Variants in PCDH15 observed in about 807,000 individuals in gnomAD.
PCDH15 encodes the protein protocadherin-15.
A neutral mutation model predicts 178.5 loss-of-function variants in PCDH15; 129 were observed. The observed-to-expected ratio is 0.72, with a 90% CI of 0.63 to 0.84. PCDH15 has a LOEUF of 0.84. PCDH15 is among the 40% of genes least tolerant of loss of function. PCDH15 has a pLI of 0.00. For synonymous variants in PCDH15, 800 were observed against 732.0 expected, an observed-to-expected ratio of 1.09 and a Z score of -1.50; for missense variants, 2,230 against 2,099.9, an observed-to-expected ratio of 1.06 and a Z score of -1.21.
intron 25 of PCDH15, among the ~76,000 whole-genome samples, chr10:53,929,865 T>G (rs2084892668): frequency 6.6e-6 from 1 of 152,226 alleles, no homozygotes; most frequent in Non-Finnish European, 1.5e-5. Flanking sequence ...TTAAAGATAA[T>G]TATAATTTTA....
intron 1 of PCDH15, among the ~76,000 whole-genome samples, chr10:55,216,227 A>G (rs1840698073): frequency 6.6e-6 from 1 of 151,974 alleles, no homozygotes; most frequent in African/African-American, 2.4e-5. Flanking sequence ...CTTCTGATAT[A>G]TGTTGAAAGT....
chr10:55,521,496 A>G (rs1841174920), intron 2 of PCDH15, among the ~76,000 whole-genome samples: 1 of 151,936 alleles, frequency 6.6e-6, no homozygotes, highest in African/African-American at 2.4e-5. Flanking sequence ...AAGTCATAGG[A>G]GGCCTGGAAC....
intron 2 of PCDH15, among the ~76,000 whole-genome samples, chr10:55,347,723 T>C (rs1171345445): frequency 6.6e-6 from 1 of 152,162 alleles, no homozygotes; most frequent in Non-Finnish European, 1.5e-5. Context: ...ACACATGAAA[T>C]TGAAGGGTCA....
intron 1 of PCDH15, among the ~76,000 whole-genome samples, chr10:55,299,527 A>T (rs900780971): frequency 6.6e-6 from 1 of 152,196 alleles, no homozygotes; most frequent in Non-Finnish European, 1.5e-5. Flanking sequence ...ATAATTCGGG[A>T]GGGATCTGAA....
intron 2 of PCDH15, among the ~76,000 whole-genome samples, chr10:55,547,999 AT>A (rs1400999388): frequency 6.6e-6 from 1 of 151,126 alleles, no homozygotes; most frequent in Non-Finnish European, 1.5e-5. Flanking sequence ...TATTCCAGCC[AT>A]CCCAGTTTAC....
At chr10:54,870,811 A>T (rs1285300176) in intron 3 of PCDH15, among the ~76,000 whole-genome samples, 8 of 700 alleles carry the variant, frequency 0.011, no homozygotes, top group Non-Finnish European at 0.093. Flanking sequence ...TAAAAAAATA[A>T]AAAAAAAATC....
intron 2 of PCDH15, among the ~76,000 whole-genome samples, chr10:55,130,695 G>A (rs1397349909): frequency 6.7e-5 from 10 of 149,594 alleles, no homozygotes; most frequent in Admixed American, 2.0e-4. Context: ...GTGTGTGTGT[G>A]TGTGTGTGTG....
chr10:54,755,930 A>T (rs1319016231), intron 1 of PCDH15, among the ~76,000 whole-genome samples: 1 of 152,022 alleles, frequency 6.6e-6, no homozygotes, highest in African/African-American at 2.4e-5. Flanking sequence ...TATCGTGTAA[A>T]CACCATGAGA....
intron 32 of PCDH15, chr10:53,823,400 G>C (rs1554821170): frequency 1.9e-6 from 3 of 1,556,968 alleles, no homozygotes; most frequent in Middle Eastern, 1.7e-4. Flanking sequence ...GAAACAAGTT[G>C]TGACACAGCT....
chr10:53,950,525 T>C (rs2166621), intron 23 of PCDH15, among the ~76,000 whole-genome samples: 102,063 of 151,994 alleles, frequency 0.67, 34,776 homozygotes, highest in East Asian at 0.87. Context: ...TGATAAATTG[T>C]GTAATATAAT....
intron 2 of PCDH15, among the ~76,000 whole-genome samples, chr10:55,609,418 G>A (rs190275345): frequency 3.4e-4 from 51 of 152,122 alleles, no homozygotes; most frequent in African/African-American, 1.2e-3. Context: ...TAGCTCTCAT[G>A]GTAATCATGT....
At chr10:54,040,355 T>C (rs1035843372) in intron 18 of PCDH15, among the ~76,000 whole-genome samples, 1 of 152,004 alleles carries the variant, frequency 6.6e-6, no homozygotes, top group Non-Finnish European at 1.5e-5. Context: ...GATGGTTTTA[T>C]AAGAGGTTTC....
chr10:55,184,161 T>C (rs1208742540), intron 1 of PCDH15, among the ~76,000 whole-genome samples: 1 of 151,986 alleles, frequency 6.6e-6, no homozygotes, highest in African/African-American at 2.4e-5. Context: ...TCCAGCTAGA[T>C]GTGGTTTTAT....
intron 26 of PCDH15, among the ~76,000 whole-genome samples, chr10:53,886,242 C>A (rs186937361): frequency 2.0e-5 from 3 of 152,096 alleles, no homozygotes; most frequent in Non-Finnish European, 2.9e-5. Flanking sequence ...AGATAAAATT[C>A]ATTAGCTAGT....
At chr10:54,023,673 T>C (rs1181246821) in intron 18 of PCDH15, among the ~76,000 whole-genome samples, 3 of 135,268 alleles carry the variant, frequency 2.2e-5, no homozygotes, top group Non-Finnish European at 3.3e-5. Flanking sequence ...TTTATTATGT[T>C]ATGCTGTTAT....
At chr10:55,463,457 G>A (rs1839722989) in intron 2 of PCDH15, among the ~76,000 whole-genome samples, 1 of 151,944 alleles carries the variant, frequency 6.6e-6, no homozygotes, top group South Asian at 2.1e-4. Context: ...ACCAATCTGG[G>A]CAGCAAAGCA....
chr10:54,695,048 A>G (rs116688642), intron 1 of PCDH15, among the ~76,000 whole-genome samples: 12,184 of 139,184 alleles, frequency 0.088, 549 homozygotes, highest in South Asian at 0.16. Flanking sequence ...GTCACACACC[A>G]GGGCCTGTTG....
At chr10:54,609,142 G>A (rs998910419) in intron 2 of PCDH15, among the ~76,000 whole-genome samples, 2 of 152,042 alleles carry the variant, frequency 1.3e-5, no homozygotes, top group Non-Finnish European at 2.9e-5. Flanking sequence ...AAGACATTTG[G>A]AAAATATAAA....
intron 3 of PCDH15, among the ~76,000 whole-genome samples, chr10:54,876,997 T>C (rs1954157045): frequency 6.6e-6 from 1 of 152,184 alleles, no homozygotes; most frequent in Non-Finnish European, 1.5e-5. Flanking sequence ...CAGGAAACTT[T>C]ATTTTCCCTT....
Sources: allele counts gnomAD v4.1 joint callset (sites outside exome capture counted in the v4.1 genomes callset), GRCh38; gene constraint gnomAD v4.1.1; transcripts MANE v1.5; gene names NCBI Gene and HGNC (gene_info 2026-07-23, HGNC 2026-07-21).